Variants in ALG8 observed in about 807,000 individuals in gnomAD.
ALG8 encodes ALG8 alpha-1,3-glucosyltransferase, also known as dolichyl pyrophosphate Glc1Man9GlcNAc2 alpha-1,3-glucosyltransferase.
Under a neutral mutation model 70.2 loss-of-function variants are expected in ALG8, and 48 were observed. The ratio of observed to expected loss-of-function variants is 0.68; its 90% CI spans 0.54 to 0.87. The LOEUF (loss-of-function observed/expected upper bound fraction) is 0.87, where lower values mean the gene tolerates loss of function less well. ALG8 is among the 40% of genes least tolerant of loss of function. The probability of loss-of-function intolerance (pLI) is 0.00; values close to 1 mark genes in which losing one functional copy is unlikely to be tolerated. For missense variants in ALG8, 572 were observed against 608.7 expected, an observed-to-expected ratio of 0.94 and a Z score of 0.64; for synonymous variants, 234 against 229.0, an observed-to-expected ratio of 1.02 and a Z score of -0.20.
chr11:78,110,365 T>C (rs1860231751), intron 8 of ALG8, among the ~76,000 whole-genome samples: 1 of 152,170 alleles, frequency 6.6e-6, no homozygotes, highest in Admixed American at 6.6e-5. Flanking sequence ...CTAATTTTTG[T>C]ATTTTTAGTA....
rs767311729 is a variant in ALG8 at position 78,109,519 on chromosome 11, C to T, written c.961G>A (p.Val321Ile). 6.2e-7 allele frequency: 1 copy of T among 1,614,140 alleles called. No individual in the cohort carries two copies. The highest frequency in any genetic ancestry group is 1.3e-5 in the African/African-American group (1 of 75,024). Residue 321 changes from valine (V) to isoleucine (I), a missense_variant, in exon 9 of 13, where the codon GTT (valine) becomes ATT (isoleucine). By Grantham distance (29) the Val-to-Ile change is conservative. Coordinates refer to ENST00000299626, the MANE Select transcript of ALG8 (RefSeq NM_024079.5). ...AGGACTGTGTGTTGGAACTGCTGAA[C>T]CAAACCACTTGTCATTGAGGCCTTG... ...IPKASMTSGL[V>I]QQFQHTVLPS...
intron 11 of ALG8, 137 bp downstream of exon 11, chr11:78,104,219 T>C (rs548658003): frequency 2.0e-5 from 20 of 986,456 alleles, no homozygotes; most frequent in African/African-American, 4.9e-5. Flanking sequence ...TACAGGAAAT[T>C]GGAGGTTTTA....
chr11:78,119,122 C>T, intron 5 of ALG8, 60 bp downstream of exon 5: 1 of 1,345,594 alleles, frequency 7.4e-7, no homozygotes, highest in Non-Finnish European at 1.1e-6. Flanking sequence ...TACACTGTTC[C>T]CTTTACAATC....
chr11:78,136,992 C>T (rs190853856), intron 1 of ALG8, among the ~76,000 whole-genome samples: 107 of 152,158 alleles, frequency 7.0e-4, no homozygotes, highest in Admixed American at 6.6e-3. Flanking sequence ...ACCTCCACCT[C>T]CCGGGTTCAA....
At chr11:78,131,286 T>C (rs1206279882) in intron 1 of ALG8, among the ~76,000 whole-genome samples, 1 of 144,072 alleles carries the variant, frequency 6.9e-6, no homozygotes, top group East Asian at 2.1e-4. Context: ...AAATAGTAAC[T>C]ACTTTTTTAA....
chr11:78,139,391 C>T (rs34072736), intron 1 of ALG8, 103 bp downstream of exon 1: 1 of 1,178,726 alleles, frequency 8.5e-7, no homozygotes, highest in Non-Finnish European at 1.2e-6. Context: ...CAAACACGAC[C>T]TAAAGTTTTC....
chr11:78,110,804 C>T (rs1032686732), intron 8 of ALG8, among the ~76,000 whole-genome samples: 12 of 152,128 alleles, frequency 7.9e-5, no homozygotes, highest in Admixed American at 3.9e-4. Context: ...CTAACCTCTT[C>T]CCCTTTCCCC....
intron 12 of ALG8, among the ~76,000 whole-genome samples, chr11:78,101,569 A>G (rs771510794): frequency 2.0e-5 from 3 of 152,136 alleles, no homozygotes; most frequent in Non-Finnish European, 4.4e-5. Context: ...CAGTGAGTCG[A>G]TATGGCACCA....
At position 78,125,248 on chromosome 11, in the gene ALG8, G is replaced by A. The variant is rs566999391; in HGVS notation, c.175-1034C>T. ...GGGGTTTCACCATGTTAGCCAGGAC[G>A]GTCTCGATCTCCTGACTTCGTGATC... On this transcript the variant is annotated intron_variant, in intron 2 of 12. Transcript: ENST00000299626. Among the ~76,000 whole-genome samples the A allele has an allele frequency of 9.2e-5, 14 of 151,598 alleles. No homozygotes were observed. The East Asian group carries it at 1.6e-3, about 17-fold the overall frequency.
intron 1 of ALG8, chr11:78,139,212 G>A (rs537300424): frequency 6.3e-6 from 3 of 473,146 alleles, no homozygotes; most frequent in Non-Finnish European, 1.2e-5. Context: ...CTGAATGGCT[G>A]TTGGAGGCAG....
At position 78,112,768 on chromosome 11, in the gene ALG8, A is replaced by T. The variant is rs1421546957; in HGVS notation, c.780T>A (p.Asn260Lys). ...ALSLGPFLAL[N>K]QLPQVFSRLF... ...GTCGGGAAAAGACTTGAGGCAGCTG[A>T]TTCTGTTGAAAAGAGAAATGAAACT... The change falls in exon 8 of 13, where the codon AAT becomes AAA. Residue 260 changes from asparagine (N) to lysine (K), a missense_variant and splice_region_variant. Coordinates refer to ENST00000299626, the MANE Select transcript of ALG8 (RefSeq NM_024079.5). 3.1e-6 allele frequency: 5 copies of T among 1,613,462 alleles called. No individual in the cohort carries two copies. The African/African-American group carries it at 6.7e-5, about 22-fold the overall frequency.
intron 1 of ALG8, among the ~76,000 whole-genome samples, chr11:78,129,954 C>T (rs1015834315): frequency 6.6e-6 from 1 of 151,814 alleles, no homozygotes; most frequent in Non-Finnish European, 1.5e-5. Context: ...AAGCCAGACC[C>T]AAGAGAATAG....
At chr11:78,114,047 C>T (rs924711179) in intron 6 of ALG8, 58 bp from the exon 7 acceptor site, 3 of 1,478,716 alleles carry the variant, frequency 2.0e-6, no homozygotes, top group Admixed American at 1.9e-5. Context: ...TTAACCATAA[C>T]CTATATCATG....
At chr11:78,136,651 A>G (rs1861566635) in intron 1 of ALG8, among the ~76,000 whole-genome samples, 1 of 152,234 alleles carries the variant, frequency 6.6e-6, no homozygotes, top group Admixed American at 6.5e-5. Context: ...TATAGATCAC[A>G]GGCAGAGTAG....
At chr11:78,119,870 C>T (rs1860743855) in intron 4 of ALG8, among the ~76,000 whole-genome samples, 1 of 152,006 alleles carries the variant, frequency 6.6e-6, no homozygotes, top group African/African-American at 2.4e-5. Flanking sequence ...GGGAGGCTGA[C>T]ATGGGCAGAT....
chr11:78,118,141 C>T (rs1860663221), intron 5 of ALG8, among the ~76,000 whole-genome samples: 1 of 151,878 alleles, frequency 6.6e-6, no homozygotes, highest in African/African-American at 2.4e-5. Context: ...TTGAGTAAGC[C>T]CTGAGTTGCA....
At position 78,124,217 on chromosome 11, in the gene ALG8, G is replaced by T. The variant is rs777094522; in HGVS notation, c.175-3C>A. Reference sequence around the variant, plus strand: ...TCCAACGTCCACTCTGAAGTTGCCTGTGATAAAAATAGAAGATCAGACATA... The same window carrying T: ...TCCAACGTCCACTCTGAAGTTGCCTTTGATAAAAATAGAAGATCAGACATA... On this transcript the variant is annotated splice_polypyrimidine_tract_variant and splice_region_variant and intron_variant, in intron 2 of 12. Coordinates refer to ENST00000299626, the MANE Select transcript of ALG8 (RefSeq NM_024079.5). 1.9e-6 allele frequency: 3 copies of T among 1,613,888 alleles called. No homozygotes were observed. Among genetic ancestry groups the T allele is most frequent in the South Asian group, 2.2e-5 (2 of 91,076 alleles).
intron 12 of ALG8, 32 bp downstream of exon 12, chr11:78,103,948 G>A (rs1404838646): frequency 1.6e-6 from 2 of 1,214,006 alleles, no homozygotes; most frequent in Middle Eastern, 1.9e-4. Context: ...TTTCACAAGA[G>A]TAAGTATAAT....
chr11:78,127,712 CT>C (rs1192507872), intron 1 of ALG8, among the ~76,000 whole-genome samples: 191 of 132,856 alleles, frequency 1.4e-3, no homozygotes, highest in Admixed American at 2.6e-3. Context: ...TTTTTCTTTT[CT>C]TTTTTTTTTT....
Sources: gnomAD v4.1 joint callset for allele counts (sites outside exome capture counted in the v4.1 genomes callset) on GRCh38, gnomAD v4.1.1 for gene constraint, MANE v1.5 for transcripts, NCBI Gene and HGNC (gene_info 2026-07-23, HGNC 2026-07-21) for gene names.